DCP1B: variants seen among roughly 807,000 people sequenced by gnomAD.
The protein encoded by DCP1B is mRNA-decapping enzyme 1B.
Under a neutral mutation model 60.5 loss-of-function variants are expected in DCP1B, and 47 were observed. That is an observed-to-expected ratio of 0.78 (90% CI 0.61 to 0.99). DCP1B has a LOEUF of 0.99. Ranked by LOEUF, DCP1B falls within the 50% of genes least tolerant of loss-of-function variation. DCP1B has a pLI of 0.00. For synonymous variants in DCP1B, 267 were observed against 280.3 expected, an observed-to-expected ratio of 0.95 and a Z score of 0.47; for missense variants, 725 against 756.8, an observed-to-expected ratio of 0.96 and a Z score of 0.49.
chr12:1,946,782 C>T (rs111652867), intron 8 of DCP1B, among the ~76,000 whole-genome samples: 2 of 152,208 alleles, frequency 1.3e-5, no homozygotes, highest in Non-Finnish European at 2.9e-5. Context: ...TCACTGCAGC[C>T]TCAACCTCAT....
At chr12:1,992,961 C>T (rs2039825030) in intron 3 of DCP1B, 4 of 598,720 alleles carry the variant, frequency 6.7e-6, no homozygotes, top group Admixed American at 3.0e-5. Flanking sequence ...TCACTAAGAA[C>T]TTGCCTCACC....
chr12:1,950,266 G>A (rs1391464288), intron 7 of DCP1B: 2 of 690,800 alleles, frequency 2.9e-6, no homozygotes, highest in Non-Finnish European at 5.3e-6. Flanking sequence ...ATGACATTTC[G>A]AGGAGCGGTG....
At chr12:1,950,395 T>C (rs772493578) in intron 7 of DCP1B, 5 of 702,182 alleles carry the variant, frequency 7.1e-6, no homozygotes, top group South Asian at 5.9e-5. Flanking sequence ...GTCAAGGGAG[T>C]TGTACATCAG....
rs2039413251 is a variant in DCP1B, at chr12:1,991,526, ATAAT to A, written c.319+1734_319+1737del. The A allele has an allele frequency of 2.9e-5, 7 of 239,592 alleles. No individual in the cohort carries two copies. The South Asian group carries it at 3.5e-4, about 12-fold the overall frequency. The allele number at this position is 239,592 out of a possible 1,614,324, so 14.8% of individuals were successfully genotyped here. A position where few individuals can be genotyped will look rare whatever the true frequency, so the allele number is the denominator to read the frequency against. Reference sequence around the variant, plus strand: ...TGTCATTTCAACATGTTAATATAAAATAATTAATAATTGAGGTTTTTTCCTTTTT... The same window carrying A: ...TGTCATTTCAACATGTTAATATAAAATAATAATTGAGGTTTTTTCCTTTTT... On this transcript the variant is annotated intron_variant, in intron 3 of 8. Coordinates refer to ENST00000280665, the MANE Select transcript of DCP1B (RefSeq NM_152640.5).
Position 1,958,566 on chromosome 12 carries a change from A to G in DCP1B, c.523-3006T>C, listed in dbSNP as rs112274349. 3.4e-5 allele frequency among the ~76,000 whole-genome samples: 5 copies of G among 146,020 alleles called. No homozygotes were observed. In the East Asian group the frequency reaches 6.4e-4, roughly 19 times the overall value. ...TTTTCTATAAACCTCCTGGAAGAAG[A>G]CAGGGGAAAAGCTCCCTAACGTCGC... On this transcript the variant is annotated intron_variant, in intron 5 of 8. Transcript: ENST00000280665.
rs1340494370 is a variant in DCP1B, at chr12:1,953,185, T to C, written c.755A>G (p.Gln252Arg). The C allele has an allele frequency of 1.2e-6, 2 of 1,612,274 alleles. No individual in the cohort carries two copies. The highest frequency in any genetic ancestry group is 3.3e-5 in the Admixed American group (2 of 59,994). ...ETVEPPQTLHQQQQQQQQQQE... is the reference protein window; with the variant it reads ...ETVEPPQTLHRQQQQQQQQQE... ...CTGCTGCTGCTGCTGCTGCTGCTGC[T>C]GGTGGAGAGTCTGCGGAGGCTCCAC... Residue 252 changes from glutamine to arginine, a missense_variant, in exon 7 of 9, where the codon CAG (glutamine) becomes CGG (arginine). By Grantham distance (43) the Gln-to-Arg change is conservative. Coordinates refer to ENST00000280665, the MANE Select transcript of DCP1B (RefSeq NM_152640.5).
chr12:1,997,725 A>G (rs935717245), intron 2 of DCP1B, among the ~76,000 whole-genome samples: 1 of 152,208 alleles, frequency 6.6e-6, no homozygotes, highest in Non-Finnish European at 1.5e-5. Context: ...TGAAGTTTAA[A>G]TTATATTCTG....
downstream of DCP1B, among the ~76,000 whole-genome samples, chr12:1,944,803 AAATGT>A (rs2030366726): frequency 8.9e-6 from 1 of 112,182 alleles, no homozygotes; most frequent in Non-Finnish European, 1.9e-5. Flanking sequence ...TTAAAGACTT[AAATGT>A]AAGACCTAAA....
chr12:1,979,140 G>A (rs2035336661), intron 3 of DCP1B, among the ~76,000 whole-genome samples: 1 of 152,132 alleles, frequency 6.6e-6, no homozygotes, highest in Non-Finnish European at 1.5e-5. Flanking sequence ...AGGCTCCCAA[G>A]TGGCTGGGAT....
At chr12:1,963,406 C>T (rs1316448588) in intron 5 of DCP1B, among the ~76,000 whole-genome samples, 1 of 152,144 alleles carries the variant, frequency 6.6e-6, no homozygotes, top group Non-Finnish European at 1.5e-5. Flanking sequence ...AGATATAGTC[C>T]CTTTAGGGCA....
chr12:1,945,652 A>AG (rs1383676287), downstream of DCP1B, among the ~76,000 whole-genome samples: 3 of 152,228 alleles, frequency 2.0e-5, no homozygotes, highest in Non-Finnish European at 4.4e-5. Flanking sequence ...TTAATGATAG[A>AG]CTGGATAAAG....
chr12:1,949,738 C>T (rs1030785905), intron 7 of DCP1B, among the ~76,000 whole-genome samples: 18 of 152,214 alleles, frequency 1.2e-4, no homozygotes, highest in Non-Finnish European at 2.4e-4. Flanking sequence ...CTCCTGACCC[C>T]GGAGCACAGG....
chr12:1,998,050 A>C, intron 1 of DCP1B, 75 bp from the exon 2 acceptor site: 2 of 1,353,638 alleles, frequency 1.5e-6, no homozygotes, highest in East Asian at 4.8e-5. Flanking sequence ...AAATTCTCAT[A>C]GAATAGGAAT....
intron 7 of DCP1B, among the ~76,000 whole-genome samples, chr12:1,949,769 C>T (rs1046125741): frequency 6.6e-6 from 1 of 152,212 alleles, no homozygotes; most frequent in African/African-American, 2.4e-5. Flanking sequence ...AGAGCAACTC[C>T]CCGCCCCTCC....
At position 2,004,356 on chromosome 12, in the gene DCP1B, G is replaced by C. The variant is rs2042926128; in HGVS notation, c.76C>G (p.Pro26Ala). ...ISLAALQRHD[P>A]YINRIVDVAS... ...ACGTCCACGATGCGGTTGATATAGG[G>C]GTCGTGGCGCTGCAGGGCCGCTAGG... The change falls in exon 1 of 9, where the codon CCC becomes GCC. Residue 26 changes from proline (P) to alanine (A), a missense_variant. By Grantham distance (27) the Pro-to-Ala change is conservative. Coordinates refer to ENST00000280665, the MANE Select transcript of DCP1B (RefSeq NM_152640.5). The C allele has an allele frequency of 4.3e-6, 7 of 1,613,294 alleles. No individual in the cohort carries two copies. The South Asian group carries it at 7.7e-5, about 18-fold the overall frequency.
At chr12:1,973,074 A>C (rs2033046439) in intron 3 of DCP1B, among the ~76,000 whole-genome samples, 1 of 152,214 alleles carries the variant, frequency 6.6e-6, no homozygotes, top group Non-Finnish European at 1.5e-5. Flanking sequence ...TAATGCCTTT[A>C]AAGTAATGTT....
At chr12:1,984,329 T>C (rs1370504131) in intron 3 of DCP1B, among the ~76,000 whole-genome samples, 3 of 152,090 alleles carry the variant, frequency 2.0e-5, no homozygotes, top group African/African-American at 7.2e-5. Context: ...CTTGTCTTCT[T>C]TTGGGTTATT....
chr12:1,990,096 C>A (rs915586723), intron 3 of DCP1B, among the ~76,000 whole-genome samples: 3 of 152,174 alleles, frequency 2.0e-5, no homozygotes, highest in Non-Finnish European at 2.9e-5. Flanking sequence ...GTTAAGGTTT[C>A]TTGGTTCAAG....
chr12:1,971,382 C>T lies in DCP1B; in HGVS notation c.320-3472G>A, dbSNP rs917549354. ...GTAACTGCACTATCCTGGTTTATGCCGTTCTTTGGAAATTCTCAATTGAAA... is the reference window on the plus strand; with the variant it reads ...GTAACTGCACTATCCTGGTTTATGCTGTTCTTTGGAAATTCTCAATTGAAA... On this transcript the variant is annotated intron_variant, in intron 3 of 8. Coordinates refer to ENST00000280665, the MANE Select transcript of DCP1B (RefSeq NM_152640.5). This position sits in a 1 kb window ranked among gnomAD's most constrained non-coding sequence, Gnocchi z 4.2. 5.3e-5 allele frequency among the ~76,000 whole-genome samples: 8 copies of T among 152,080 alleles called. No homozygotes were observed. The highest frequency in any genetic ancestry group is 4.1e-4 in the South Asian group (2 of 4,822).
Sources: gnomAD v4.1 joint callset for allele counts (sites outside exome capture counted in the v4.1 genomes callset) on GRCh38, gnomAD v4.1.1 for gene constraint, Gnocchi (gnomAD v3.1) non-coding constraint, MANE v1.5 for transcripts, NCBI Gene and HGNC (gene_info 2026-07-23, HGNC 2026-07-21) for gene names.